RRAS2: variants seen among roughly 807,000 people sequenced by gnomAD.
RRAS2 encodes ras-related protein R-Ras2.
A neutral mutation model predicts 27.6 loss-of-function variants in RRAS2; 7 were observed. The ratio of observed to expected loss-of-function variants is 0.25; its 90% CI spans 0.14 to 0.48. RRAS2 has a LOEUF of 0.48. RRAS2 is among the 20% of genes least tolerant of loss of function. RRAS2 has a pLI of 0.99. For missense variants in RRAS2, 178 were observed against 256.2 expected (o/e 0.69, Z 2.08); for synonymous variants, 86 against 90.9 (o/e 0.95, Z 0.31).
At chr11:14,338,942 C>T (rs1417892603) in intron 1 of RRAS2, among the ~76,000 whole-genome samples, 2 of 152,014 alleles carry the variant, frequency 1.3e-5, no homozygotes, top group African/African-American at 4.8e-5. Flanking sequence ...TCTGTTTGGA[C>T]TGAGCTTCTG....
chr11:14,344,921 T>C (rs535017791), intron 1 of RRAS2, among the ~76,000 whole-genome samples: 2 of 151,064 alleles, frequency 1.3e-5, no homozygotes, highest in African/African-American at 2.4e-5. Flanking sequence ...CCATAATAGA[T>C]ACAACTCATC....
At chr11:14,354,857 A>G (rs1849040150) in intron 1 of RRAS2, among the ~76,000 whole-genome samples, 1 of 151,794 alleles carries the variant, frequency 6.6e-6, no homozygotes, top group Non-Finnish European at 1.5e-5. Flanking sequence ...TTGTATTTTT[A>G]GTAGAGGTGG....
intron 1 of RRAS2, among the ~76,000 whole-genome samples, chr11:14,340,397 A>G (rs1400636453): frequency 6.6e-5 from 10 of 151,946 alleles, no homozygotes; most frequent in Non-Finnish European, 1.5e-4. Flanking sequence ...CACCGCACTC[A>G]GCCAAAAAAA....
chr11:14,304,194 T>C (rs1554947787), intron 1 of RRAS2, among the ~76,000 whole-genome samples: 3 of 152,348 alleles, frequency 2.0e-5, no homozygotes, highest in South Asian at 4.1e-4. Context: ...AGGGGATACA[T>C]GTCAAATTCT....
chr11:14,292,073 C>T (rs1478535596), intron 4 of RRAS2, among the ~76,000 whole-genome samples: 5 of 152,112 alleles, frequency 3.3e-5, no homozygotes, highest in African/African-American at 1.2e-4. Flanking sequence ...TGAAATTTTC[C>T]ACTTGTGGAA....
chr11:14,361,937 C>T (rs188558661), upstream of RRAS2, among the ~76,000 whole-genome samples: 3 of 152,278 alleles, frequency 2.0e-5, no homozygotes, highest in African/African-American at 7.2e-5. Context: ...ATACATGCTA[C>T]AGCATGGATA....
At chr11:14,308,396 T>C (rs1337897029) in intron 1 of RRAS2, 2 of 326,674 alleles carry the variant, frequency 6.1e-6, no homozygotes, top group East Asian at 2.0e-4. Flanking sequence ...AGCTCAGTGC[T>C]CCTAGATGAG....
At chr11:14,299,512 A>C (rs145732515) in intron 1 of RRAS2, among the ~76,000 whole-genome samples, 136 of 152,318 alleles carry the variant, frequency 8.9e-4, no homozygotes, top group African/African-American at 2.9e-3. Flanking sequence ...GTTTCTTTAC[A>C]TGCTATGCAA....
At chr11:14,302,110 A>ACACACACACC (rs1199183770) in intron 1 of RRAS2, among the ~76,000 whole-genome samples, 2 of 143,654 alleles carry the variant, frequency 1.4e-5, no homozygotes, top group East Asian at 2.0e-4. Context: ...ACACACACAC[A>ACACACACACC]CCAAAAACCA....
intron 1 of RRAS2, among the ~76,000 whole-genome samples, chr11:14,307,296 T>C (rs1847854976): frequency 6.6e-6 from 1 of 151,436 alleles, no homozygotes; most frequent in South Asian, 2.1e-4. Context: ...ACTCATGACA[T>C]GCCTTTGACT....
At chr11:14,345,768 T>G (rs1485245559) in intron 1 of RRAS2, among the ~76,000 whole-genome samples, 1 of 152,210 alleles carries the variant, frequency 6.6e-6, no homozygotes, top group Non-Finnish European at 1.5e-5. Flanking sequence ...TAAAATTTTG[T>G]ATTTGTTGAA....
chr11:14,294,012 T>C (rs1270800698), intron 4 of RRAS2, among the ~76,000 whole-genome samples: 1 of 152,198 alleles, frequency 6.6e-6, no homozygotes. Flanking sequence ...TAACAGAAAA[T>C]TCAGTCATTA....
chr11:14,294,690 A>G (rs1847499899), intron 3 of RRAS2, 70 bp downstream of exon 3: 1 of 1,532,454 alleles, frequency 6.5e-7, no homozygotes, highest in African/African-American at 1.4e-5. Flanking sequence ...TAAAAACAAA[A>G]AGTCCAAACT....
At chr11:14,302,908 A>C (rs1847750264) in intron 1 of RRAS2, among the ~76,000 whole-genome samples, 2 of 152,162 alleles carry the variant, frequency 1.3e-5, no homozygotes, top group Admixed American at 6.6e-5. Flanking sequence ...AGCTCACTTA[A>C]CCTGTTTGAA....
chr11:14,284,097 TTTC>T (rs773235632), intron 4 of RRAS2, among the ~76,000 whole-genome samples: 1 of 152,196 alleles, frequency 6.6e-6, no homozygotes, highest in East Asian at 1.9e-4. Context: ...ATTTTCTCTT[TTTC>T]TTCTTATTTC....
intron 1 of RRAS2, among the ~76,000 whole-genome samples, chr11:14,319,753 TCTTA>T (rs1848186767): frequency 6.6e-6 from 1 of 152,186 alleles, no homozygotes; most frequent in African/African-American, 2.4e-5. Context: ...TTTCAAAATA[TCTTA>T]CTCACTCAAC....
intron 1 of RRAS2, among the ~76,000 whole-genome samples, chr11:14,350,259 G>C (rs985873145): frequency 6.6e-6 from 1 of 152,100 alleles, no homozygotes; most frequent in Non-Finnish European, 1.5e-5. Context: ...CCCAAAGTTG[G>C]AGGTGGGGCT....
chr11:14,364,396 G>A, exon 1 of RRAS2: 1 of 1,535,830 alleles, frequency 6.5e-7, no homozygotes, highest in South Asian at 1.2e-5. Flanking sequence ...CTTACCATGG[G>A]TGATGGAGGA....
intron 1 of RRAS2, among the ~76,000 whole-genome samples, chr11:14,351,105 C>T (rs192270376): frequency 1.1e-3 from 162 of 152,210 alleles, no homozygotes; most frequent in African/African-American, 3.8e-3. Context: ...TGCCTAATAA[C>T]ACATAATTTC....
Sources: allele counts gnomAD v4.1 joint callset (sites outside exome capture counted in the v4.1 genomes callset), GRCh38; gene constraint gnomAD v4.1.1; transcripts MANE v1.5; gene names NCBI Gene and HGNC (gene_info 2026-07-23, HGNC 2026-07-21).